WWOX: variants seen among roughly 807,000 people sequenced by gnomAD.
The protein encoded by WWOX is WW domain containing oxidoreductase.
In WWOX, 69 loss-of-function variants were observed where a neutral mutation model predicts 46.2. The ratio of observed to expected loss-of-function variants is 1.49; its 90% confidence interval spans 1.23 to 1.82. The LOEUF (loss-of-function observed/expected upper bound fraction) is 1.82, where lower values mean the gene tolerates loss of function less well. Among genes scored for constraint, WWOX ranks in the 40% most tolerant of loss-of-function variants. WWOX has a pLI of 0.00. For synonymous variants in WWOX, 359 were observed against 202.6 expected (o/e 1.77, Z -6.56); for missense variants, 919 against 542.6 (o/e 1.69, Z -6.89).
At chr16:78,287,593 G>A (rs1244016550) in intron 5 of WWOX, among the ~76,000 whole-genome samples, 2 of 151,936 alleles carry the variant, frequency 1.3e-5, no homozygotes, top group Non-Finnish European at 2.9e-5. Context: ...TGTGTCTAAA[G>A]CAGTTTAAGA....
rs144047786 is a variant in WWOX at position 78,431,820 on chromosome 16, G to A, written c.792-668G>A. On this transcript the variant is annotated intron_variant, in intron 7 of 8. Transcript: ENST00000566780. ...CAACGTTGACCTCCCAGGCTGAAGC[G>A]ATCCTCCTGCCTCAGCCCCCCAAGT... Among the ~76,000 whole-genome samples, 1,459 of 151,984 alleles carry A rather than the reference G, an allele frequency of 9.6e-3. 15 individuals carry two copies. The highest frequency in any genetic ancestry group is 0.017 in the Middle Eastern group (5 of 290).
At chr16:78,120,103 C>CA in intron 4 of WWOX, among the ~76,000 whole-genome samples, 1 of 152,200 alleles carries the variant, frequency 6.6e-6, no homozygotes, top group East Asian at 1.9e-4. Flanking sequence ...TTGGGACTGA[C>CA]ACTTGCATTT....
chr16:78,297,301 C>A (rs927558603), intron 5 of WWOX, among the ~76,000 whole-genome samples: 6 of 152,118 alleles, frequency 3.9e-5, no homozygotes, highest in African/African-American at 1.4e-4. Context: ...TGCCCTTAGT[C>A]CCTGAACCCT....
intron 5 of WWOX, among the ~76,000 whole-genome samples, chr16:78,367,148 T>A (rs2081554081): frequency 6.6e-6 from 1 of 151,824 alleles, no homozygotes; most frequent in Non-Finnish European, 1.5e-5. Context: ...CCCGGCTAAT[T>A]TTTTATATTT....
At chr16:79,000,176 G>A (rs1358313389) in intron 8 of WWOX, among the ~76,000 whole-genome samples, 1 of 152,050 alleles carries the variant, frequency 6.6e-6, no homozygotes, top group African/African-American at 2.4e-5. Context: ...CCCTTCACTG[G>A]GCTCCGAAGC....
intron 8 of WWOX, among the ~76,000 whole-genome samples, chr16:78,925,965 C>T (rs1049391640): frequency 1.3e-5 from 2 of 152,070 alleles, no homozygotes; most frequent in Non-Finnish European, 2.9e-5. Context: ...GACTGTGAAC[C>T]AAGAGGGCAG....
At chr16:78,422,485 C>A (rs1286021373) in intron 6 of WWOX, among the ~76,000 whole-genome samples, 2 of 150,408 alleles carry the variant, frequency 1.3e-5, no homozygotes, top group African/African-American at 4.9e-5. Flanking sequence ...GCTGGGACTA[C>A]AGCCACACAC....
At chr16:78,617,521 G>T (rs1249101004) in intron 8 of WWOX, among the ~76,000 whole-genome samples, 1 of 152,172 alleles carries the variant, frequency 6.6e-6, no homozygotes, top group Non-Finnish European at 1.5e-5. Context: ...ACAAGTGGTG[G>T]ACTTAAGAAG....
At chr16:78,911,736 C>T (rs1000622608) in intron 8 of WWOX, among the ~76,000 whole-genome samples, 2 of 151,946 alleles carry the variant, frequency 1.3e-5, no homozygotes, top group African/African-American at 2.4e-5. Context: ...CGTGATGGTG[C>T]GTACCTGTAA....
intron 8 of WWOX, among the ~76,000 whole-genome samples, chr16:78,821,885 A>G (rs1282399111): frequency 6.6e-6 from 1 of 152,086 alleles, no homozygotes; most frequent in Non-Finnish European, 1.5e-5. Context: ...ATTAAAATAA[A>G]CTTTTTTTTT....
At chr16:79,146,360 C>T (rs963307286) in intron 8 of WWOX, among the ~76,000 whole-genome samples, 5 of 152,150 alleles carry the variant, frequency 3.3e-5, no homozygotes, top group African/African-American at 1.2e-4. Flanking sequence ...GTTTTCCCAT[C>T]TCTGAGGCTT....
intron 5 of WWOX, among the ~76,000 whole-genome samples, chr16:78,262,930 T>A: frequency 6.6e-6 from 1 of 152,144 alleles, no homozygotes; most frequent in East Asian, 1.9e-4. Context: ...TGAAACACTA[T>A]CAAACAACAA....
At chr16:78,294,994 G>T (rs982396850) in intron 5 of WWOX, among the ~76,000 whole-genome samples, 1 of 152,166 alleles carries the variant, frequency 6.6e-6, no homozygotes, top group Non-Finnish European at 1.5e-5. Flanking sequence ...AGGTCTCCTG[G>T]TAGGCCATGC....
At chr16:79,201,343 CTTTT>C (rs5818210) in intron 8 of WWOX, among the ~76,000 whole-genome samples, 1 of 143,616 alleles carries the variant, frequency 7.0e-6, no homozygotes, top group Admixed American at 7.0e-5. Context: ...TTTTTCTTTT[CTTTT>C]TTTTTTTTTT....
At chr16:78,784,994 A>G (rs533758731) in intron 8 of WWOX, among the ~76,000 whole-genome samples, 116 of 152,310 alleles carry the variant, frequency 7.6e-4, no homozygotes, top group African/African-American at 2.6e-3. Flanking sequence ...CCAGAGGAAC[A>G]TGAAACCAGC....
At chr16:78,944,273 C>G (rs1017034107) in intron 8 of WWOX, among the ~76,000 whole-genome samples, 6 of 152,126 alleles carry the variant, frequency 3.9e-5, no homozygotes, top group Non-Finnish European at 8.8e-5. Flanking sequence ...CCTACTTTAT[C>G]AGCATCTACA....
intron 8 of WWOX, among the ~76,000 whole-genome samples, chr16:78,501,623 G>C (rs914082608): frequency 6.6e-6 from 1 of 151,452 alleles, no homozygotes. Context: ...TGCAACCTCT[G>C]TCTCCTGGCT....
intron 6 of WWOX, among the ~76,000 whole-genome samples, chr16:78,400,340 G>C (rs529782389): frequency 6.6e-6 from 1 of 152,278 alleles, no homozygotes; most frequent in Admixed American, 6.5e-5. Context: ...GAAAAGCAGT[G>C]CCTCGATTTC....
intron 8 of WWOX, among the ~76,000 whole-genome samples, chr16:78,511,850 A>T (rs1366096830): frequency 1.3e-5 from 2 of 152,208 alleles, no homozygotes; most frequent in Non-Finnish European, 2.9e-5. Flanking sequence ...TGAGACAGAG[A>T]TGTCTTGATC....
Sources: gnomAD v4.1 joint callset for allele counts (sites outside exome capture counted in the v4.1 genomes callset) on GRCh38, gnomAD v4.1.1 for gene constraint, MANE v1.5 for transcripts, NCBI Gene and HGNC (gene_info 2026-07-23, HGNC 2026-07-21) for gene names.